Variants in PARD3B observed in about 807,000 individuals in gnomAD.
PARD3B encodes the protein partitioning defective 3 homolog B.
Under a neutral mutation model 130.2 loss-of-function variants are expected in PARD3B, and 103 were observed. The observed-to-expected ratio is 0.79, with a 90% CI of 0.67 to 0.93. The LOEUF is 0.93. PARD3B is among the 40% of genes least tolerant of loss of function. The pLI, the probability that PARD3B is intolerant of heterozygous loss-of-function variation, is 0.00. For synonymous variants in PARD3B, 583 were observed against 553.2 expected, an observed-to-expected ratio of 1.05 and a Z score of -0.76; for missense variants, 1,609 against 1,499.2, an observed-to-expected ratio of 1.07 and a Z score of -1.21.
intron 4 of PARD3B, among the ~76,000 whole-genome samples, chr2:205,074,893 A>C (rs1427024516): frequency 6.6e-6 from 1 of 152,186 alleles, no homozygotes; most frequent in East Asian, 1.9e-4. Flanking sequence ...CTACATCAAA[A>C]TATAATTAAA....
chr2:204,708,082 C>A (rs2038263173), intron 2 of PARD3B, among the ~76,000 whole-genome samples: 1 of 152,096 alleles, frequency 6.6e-6, no homozygotes, highest in African/African-American at 2.4e-5. Context: ...CTGGGAGGAG[C>A]AAGTACTCTT....
intron 2 of PARD3B, among the ~76,000 whole-genome samples, chr2:204,771,633 A>G (rs758121347): frequency 3.0e-4 from 45 of 152,222 alleles, no homozygotes; most frequent in Non-Finnish European, 1.5e-5. Context: ...CAATACCCAT[A>G]TAACAAACCT....
At chr2:204,725,773 A>G (rs2039197800) in intron 2 of PARD3B, among the ~76,000 whole-genome samples, 1 of 152,228 alleles carries the variant, frequency 6.6e-6, no homozygotes, top group African/African-American at 2.4e-5. Flanking sequence ...AAAAACAACC[A>G]GAAAACCAAA....
chr2:205,333,690 C>T (rs2043212775), intron 18 of PARD3B, among the ~76,000 whole-genome samples: 1 of 152,050 alleles, frequency 6.6e-6, no homozygotes, highest in South Asian at 2.1e-4. Context: ...GAATATTTTC[C>T]ATGTACCCTG....
chr2:204,998,358 A>ATATATATATGTGTG (rs1400529301), intron 3 of PARD3B, among the ~76,000 whole-genome samples: 1 of 69,874 alleles, frequency 1.4e-5, no homozygotes, highest in African/African-American at 6.8e-5. Flanking sequence ...ATATATATAT[A>ATATATATATGTGTG]TGTGTGTGTG....
intron 2 of PARD3B, among the ~76,000 whole-genome samples, chr2:204,958,615 G>A (rs1323360866): frequency 6.6e-6 from 1 of 152,184 alleles, no homozygotes; most frequent in Non-Finnish European, 1.5e-5. Flanking sequence ...AACAAGTCAA[G>A]TGGGACTCAG....
chr2:204,995,064 A>G (rs952584820), intron 3 of PARD3B, among the ~76,000 whole-genome samples: 1 of 151,248 alleles, frequency 6.6e-6, no homozygotes, highest in Non-Finnish European at 1.5e-5. Context: ...TTAATTGGAG[A>G]ATTTAGTTCA....
chr2:205,380,976 ATT>A (rs2045389708), intron 18 of PARD3B, among the ~76,000 whole-genome samples: 1 of 109,376 alleles, frequency 9.1e-6, no homozygotes. Flanking sequence ...TAAAGAATAT[ATT>A]ATATATAATA....
chr2:205,401,367 G>A (rs2046245349), intron 19 of PARD3B, among the ~76,000 whole-genome samples: 1 of 151,948 alleles, frequency 6.6e-6, no homozygotes, highest in African/African-American at 2.4e-5. Context: ...ACTACCACCT[G>A]TTTTGACCAT....
Position 204,606,993 on chromosome 2 carries a change from A to G in PARD3B, c.120+60874A>G, listed in dbSNP as rs1199566045. 6.6e-6 allele frequency among the ~76,000 whole-genome samples: 1 copy of G among 152,170 alleles called. No individual in the cohort carries two copies. The highest frequency in any genetic ancestry group is 1.9e-4 in the East Asian group (1 of 5,184). Reference sequence around the variant, plus strand: ...TCCTCCACTTTGATTCTTGCTTTAAAGTACATACTGGTTAGCAAGACTTGA... The same window carrying G: ...TCCTCCACTTTGATTCTTGCTTTAAGGTACATACTGGTTAGCAAGACTTGA... On this transcript the variant is annotated intron_variant, in intron 1 of 22. Coordinates refer to ENST00000406610, the MANE Select transcript of PARD3B (RefSeq NM_001302769.2). The surrounding 1 kb of genome is among the most constrained non-coding windows in gnomAD (Gnocchi z 4.0).
intron 15 of PARD3B, among the ~76,000 whole-genome samples, chr2:205,195,447 A>G (rs1035200417): frequency 3.9e-5 from 6 of 152,198 alleles, no homozygotes; most frequent in African/African-American, 1.4e-4. Context: ...AGGCCCTGAG[A>G]GTCAGCATTC....
chr2:205,400,975 G>C, intron 18 of PARD3B, 38 bp from the exon 19 acceptor site: 1 of 1,448,254 alleles, frequency 6.9e-7, no homozygotes, highest in South Asian at 1.2e-5. Flanking sequence ...AAAACAATGT[G>C]ATTATTGTTA....
At chr2:204,705,387 G>A (rs547672696) in intron 2 of PARD3B, among the ~76,000 whole-genome samples, 1 of 152,276 alleles carries the variant, frequency 6.6e-6, no homozygotes, top group South Asian at 2.1e-4. Context: ...AGAACAGAGA[G>A]TGAGTGGTTG....
In PARD3B at chr2:205,160,012, A is replaced by T. The variant is rs373848170; in HGVS notation, c.1620+1105A>T. Among the ~76,000 whole-genome samples the T allele has an allele frequency of 3.3e-4, 51 of 152,292 alleles. No homozygotes were observed. Among genetic ancestry groups the T allele is most frequent in the African/African-American group, 1.1e-3 (47 of 41,574 alleles). ...AAGCCAAGAAGGCCCCGTTACACTC[A>T]ACAGAGCACCCCTGCACCTAGAATT... On this transcript the variant is annotated intron_variant, in intron 11 of 22. Coordinates refer to ENST00000406610, the MANE Select transcript of PARD3B (RefSeq NM_001302769.2). The surrounding 1 kb of genome is among the most constrained non-coding windows in gnomAD (Gnocchi z 4.0).
chr2:204,937,258 A>G (rs1156635790), intron 2 of PARD3B, among the ~76,000 whole-genome samples: 1 of 152,196 alleles, frequency 6.6e-6, no homozygotes, highest in Admixed American at 6.5e-5. Flanking sequence ...TTGCACATGC[A>G]TCTTCTTCCC....
intron 20 of PARD3B, among the ~76,000 whole-genome samples, chr2:205,491,913 G>C (rs931809589): frequency 1.3e-5 from 2 of 152,144 alleles, no homozygotes; most frequent in Admixed American, 6.5e-5. Flanking sequence ...CAGGATGGCT[G>C]GGGGGAGGAC....
At chr2:204,920,088 C>T (rs970699169) in intron 2 of PARD3B, among the ~76,000 whole-genome samples, 31 of 152,224 alleles carry the variant, frequency 2.0e-4, no homozygotes, top group Non-Finnish European at 2.4e-4. Context: ...GTGTAAAGAA[C>T]AATTACGGTG....
intron 18 of PARD3B, among the ~76,000 whole-genome samples, chr2:205,329,260 T>C (rs2043032467): frequency 1.3e-5 from 2 of 152,142 alleles, no homozygotes; most frequent in African/African-American, 4.8e-5. Flanking sequence ...AAGACTACAA[T>C]TTAAAATTAT....
intron 3 of PARD3B, among the ~76,000 whole-genome samples, chr2:204,988,489 T>C (rs1693371770): frequency 6.6e-6 from 1 of 152,118 alleles, no homozygotes. Flanking sequence ...AACTAAAAGA[T>C]TGTAATTGTT....
Sources: allele counts gnomAD v4.1 joint callset (sites outside exome capture counted in the v4.1 genomes callset), GRCh38; gene constraint gnomAD v4.1.1; non-coding constraint Gnocchi (gnomAD v3.1); transcripts MANE v1.5; gene names NCBI Gene and HGNC (gene_info 2026-07-23, HGNC 2026-07-21).